DDX4: variants seen among roughly 807,000 people sequenced by gnomAD.
DDX4 encodes probable ATP-dependent RNA helicase DDX4.
A neutral mutation model predicts 100.0 loss-of-function variants in DDX4; 25 were observed. That is an observed-to-expected ratio of 0.25 (90% CI 0.18 to 0.35). The LOEUF (loss-of-function observed/expected upper bound fraction) is 0.35. DDX4 is among the 10% of genes least tolerant of loss of function. DDX4 has a pLI of 1.00. For missense variants in DDX4, 635 were observed against 882.4 expected (o/e 0.72, Z 3.55); for synonymous variants, 259 against 275.7 (o/e 0.94, Z 0.60).
Position 55,788,791 on chromosome 5 carries a change from TATG to T in DDX4, c.1172+795_1172+797del, listed in dbSNP as rs1251989327. Among the ~76,000 whole-genome samples, 3 of 152,116 alleles carry T rather than the reference TATG, an allele frequency of 2.0e-5. No individual in the cohort carries two copies. The East Asian group carries it at 5.8e-4, about 29-fold the overall frequency. On this transcript the variant is annotated intron_variant, in intron 15 of 21. Transcript: ENST00000505374. ...ACATAGTTTTTCTGTTTTGGCCAGA[TATG>T]ATGTCTTACACCTGTAATCCTAGCA... is the stretch of plus-strand genomic sequence containing the variant.
At chr5:55,746,115 G>C in intron 2 of DDX4, 49 bp from the exon 3 acceptor site, 2 of 1,394,720 alleles carry the variant, frequency 1.4e-6, no homozygotes, top group African/African-American at 1.5e-5. Context: ...TAAATGACAC[G>C]TTCATATTCA....
chr5:55,738,216 C>T (rs554839924), intron 1 of DDX4, 115 bp downstream of exon 1: 1 of 152,330 alleles, frequency 6.6e-6, no homozygotes, highest in Non-Finnish European at 1.5e-5. Context: ...AGCCGTCCTT[C>T]GAAGCCTTTC....
At chr5:55,813,578 C>T in intron 18 of DDX4, 95 bp from the exon 19 acceptor site, 1 of 1,417,156 alleles carries the variant, frequency 7.1e-7, no homozygotes, top group Non-Finnish European at 9.2e-7. Context: ...CAGTGGTGGA[C>T]AAAGTTTCAT....
intron 8 of DDX4, among the ~76,000 whole-genome samples, 175 bp downstream of exon 8, chr5:55,780,240 T>C (rs895884365): frequency 1.3e-5 from 2 of 152,232 alleles, no homozygotes; most frequent in Non-Finnish European, 2.9e-5. Context: ...AGAGATTTGA[T>C]TGCATATTGG....
intron 14 of DDX4, among the ~76,000 whole-genome samples, chr5:55,787,530 G>A (rs1439886715): frequency 3.3e-5 from 5 of 152,112 alleles, no homozygotes; most frequent in African/African-American, 7.2e-5. Context: ...GATTTGCAGC[G>A]ATTACATCTA....
chr5:55,753,525 G>A (rs76914614), intron 3 of DDX4, among the ~76,000 whole-genome samples: 23 of 152,228 alleles, frequency 1.5e-4, no homozygotes, highest in South Asian at 4.2e-4. Context: ...TGTTCCATTG[G>A]TCTATATCTC....
chr5:55,746,022 C>G (rs1759231675), intron 2 of DDX4, 142 bp from the exon 3 acceptor site: 1 of 622,968 alleles, frequency 1.6e-6, no homozygotes, highest in African/African-American at 1.9e-5. Flanking sequence ...AAGGAACATC[C>G]AGTGATTTAG....
At chr5:55,815,225 G>A (rs1464286896) in intron 20 of DDX4, 54 bp downstream of exon 20, 12 of 1,601,474 alleles carry the variant, frequency 7.5e-6, no homozygotes, top group East Asian at 2.2e-5. Flanking sequence ...GTTGTTGAAA[G>A]TAGACATTTT....
chr5:55,807,771 C>G (rs1003613803), intron 18 of DDX4, among the ~76,000 whole-genome samples: 1 of 152,158 alleles, frequency 6.6e-6, no homozygotes, highest in African/African-American at 2.4e-5. Flanking sequence ...TCCTTCATTT[C>G]AACTTTGGTG....
At chr5:55,739,171 T>C in intron 2 of DDX4, 139 bp downstream of exon 2, 1 of 624,424 alleles carries the variant, frequency 1.6e-6, no homozygotes, top group South Asian at 2.1e-5. Flanking sequence ...ATATGGGGAA[T>C]AAGAGACAAC....
intron 17 of DDX4, among the ~76,000 whole-genome samples, chr5:55,794,098 A>G (rs1051456711): frequency 6.6e-6 from 1 of 152,136 alleles, no homozygotes; most frequent in African/African-American, 2.4e-5. Context: ...CTCATAAGAC[A>G]GCATTAGGTC....
chr5:55,764,020 C>A lies in DDX4; in HGVS notation c.290C>A (p.Ser97Ter). The change falls in exon 6 of 22, where the codon TCA becomes TAA. Residue 97 changes from serine (S) to a stop codon, truncating the protein, a stop_gained. Transcript: ENST00000505374. LOFTEE classifies it high-confidence loss of function. Reference sequence around the variant, plus strand: ...CATTTTATATTTTGTATAGGTTTTTCAAACAGCAGGTTTGAAGATGGTGAT... The same window carrying A: ...CATTTTATATTTTGTATAGGTTTTTAAAACAGCAGGTTTGAAGATGGTGAT... The part of the protein sequence containing the change: ...VGKSFGNRGF[S>*]NSRFEDGDSS... The A allele has an allele frequency of 6.2e-7, 1 of 1,608,102 alleles. No homozygotes were observed. Among genetic ancestry groups the A allele is most frequent in the Non-Finnish European group, 8.5e-7 (1 of 1,175,082 alleles).
intron 7 of DDX4, among the ~76,000 whole-genome samples, chr5:55,773,554 A>T (rs1741377850): frequency 6.6e-6 from 1 of 152,162 alleles, no homozygotes; most frequent in South Asian, 2.1e-4. Flanking sequence ...ATCCACCGAT[A>T]CTAGTTATTA....
intron 10 of DDX4, 161 bp downstream of exon 10, chr5:55,782,142 GT>G: frequency 1.4e-6 from 1 of 714,056 alleles, no homozygotes. Context: ...TACACAGCCT[GT>G]TTTAGATAGT....
In DDX4 at chr5:55,790,715, A is replaced by T; in HGVS notation, c.1302+10A>T. The stretch of plus-strand genomic sequence containing the variant: ...CATAGGCAAAGAAAAGGTACGCCTT[A>T]TAGGAATAATGAAGTTGTGAGATTG... On this transcript the variant is annotated intron_variant, in intron 16 of 21. Coordinates refer to ENST00000505374, the MANE Select transcript of DDX4 (RefSeq NM_024415.3). The T allele has an allele frequency of 6.2e-7, 1 of 1,610,432 alleles. No individual in the cohort carries two copies. The highest frequency in any genetic ancestry group is 2.2e-5 in the East Asian group (1 of 44,804).
chr5:55,813,843 A>G (rs1744245148), intron 19 of DDX4, 71 bp downstream of exon 19: 7 of 1,420,156 alleles, frequency 4.9e-6, no homozygotes, highest in Admixed American at 5.2e-5. Context: ...ATCAGTTTAT[A>G]TAACTAATAT....
rs183765837 is a variant in DDX4, at chr5:55,761,364, T to C, written c.205+1087T>C. On this transcript the variant is annotated intron_variant, in intron 4 of 21. Transcript: ENST00000505374. Reference sequence around the variant, plus strand: ...ATATTTTAGTAGAGGTTATGTGATATTTTGATACAGGCTTCTAAATATTAT... The same window carrying C: ...ATATTTTAGTAGAGGTTATGTGATACTTTGATACAGGCTTCTAAATATTAT... 9.1e-4 allele frequency among the ~76,000 whole-genome samples: 138 copies of C among 152,240 alleles called. No individual in the cohort carries two copies. The Middle Eastern group carries it at 0.01, about 11-fold the overall frequency.
chr5:55,783,682 G>C (rs867843194), intron 10 of DDX4, among the ~76,000 whole-genome samples: 1 of 122,426 alleles, frequency 8.2e-6, no homozygotes, highest in Non-Finnish European at 1.7e-5. Context: ...TGGATGAATG[G>C]ATGGATGAAT....
chr5:55,780,106 TAAAAAG>T (rs1267867522), intron 8 of DDX4, 41 bp downstream of exon 8: 2 of 1,604,944 alleles, frequency 1.2e-6, no homozygotes, highest in East Asian at 2.2e-5. Context: ...CATTAACTGT[TAAAAAG>T]AAAATGATTT....
Sources: gnomAD v4.1 joint callset for allele counts (sites outside exome capture counted in the v4.1 genomes callset) on GRCh38, gnomAD v4.1.1 for gene constraint, MANE v1.5 for transcripts, NCBI Gene and HGNC (gene_info 2026-07-23, HGNC 2026-07-21) for gene names.